The following RMDN2 variants were observed in gnomAD, a reference collection of about 807,000 sequenced individuals.
RMDN2 encodes regulator of microtubule dynamics protein 2.
A neutral mutation model predicts 52.8 loss-of-function variants in RMDN2; 61 were observed. The ratio of observed to expected loss-of-function variants is 1.16; its 90% CI spans 0.94 to 1.43. The LOEUF is 1.43. RMDN2 is among the 40% of genes most tolerant of loss of function. RMDN2 has a pLI of 0.00. For missense variants in RMDN2, 592 were observed against 475.3 expected, an observed-to-expected ratio of 1.25 and a Z score of -2.28; for synonymous variants, 180 against 153.1, an observed-to-expected ratio of 1.18 and a Z score of -1.30.
At chr2:37,963,334 TTAA>T (rs70949789) in intron 2 of RMDN2, 19,459 of 147,696 alleles carry the variant, frequency 0.13, 1,567 homozygotes, top group African/African-American at 0.19. Flanking sequence ...TTTTTTTTTT[TTAA>T]TTGATCATTC....
At chr2:38,061,891 C>T (rs1470464039) in intron 10 of RMDN2, among the ~76,000 whole-genome samples, 4 of 152,160 alleles carry the variant, frequency 2.6e-5, no homozygotes, top group Admixed American at 6.5e-5. Context: ...TGGTATTCTG[C>T]CTCCTGTTCT....
At chr2:38,061,631 C>G (rs1249595081) in intron 10 of RMDN2, among the ~76,000 whole-genome samples, 3 of 73,310 alleles carry the variant, frequency 4.1e-5, no homozygotes, top group African/African-American at 1.6e-4. Flanking sequence ...CCCTCACACA[C>G]AGTACACACA....
chr2:38,031,587 A>G (rs532286657), intron 10 of RMDN2, among the ~76,000 whole-genome samples: 3 of 152,290 alleles, frequency 2.0e-5, no homozygotes, highest in Middle Eastern at 3.4e-3. Context: ...GAACTCTTCC[A>G]TTTGTCTCCC....
intron 2 of RMDN2, among the ~76,000 whole-genome samples, chr2:37,942,961 C>T (rs1667923411): frequency 6.6e-6 from 1 of 152,146 alleles, no homozygotes; most frequent in Non-Finnish European, 1.5e-5. Context: ...GCAATAAGTG[C>T]CAAGCACCTT....
intron 2 of RMDN2, among the ~76,000 whole-genome samples, chr2:37,967,452 C>T (rs1038905473): frequency 2.6e-5 from 4 of 152,152 alleles, no homozygotes; most frequent in South Asian, 2.1e-4. Context: ...AAAGCAATGG[C>T]GCCCAAGAGG....
chr2:38,005,782 C>T (rs1676992334), intron 10 of RMDN2, among the ~76,000 whole-genome samples: 1 of 152,184 alleles, frequency 6.6e-6, no homozygotes, highest in African/African-American at 2.4e-5. Flanking sequence ...TTGCCCATGC[C>T]TATGTCCTGA....
chr2:38,053,449 A>G (rs1445030772), intron 10 of RMDN2, among the ~76,000 whole-genome samples: 1 of 152,196 alleles, frequency 6.6e-6, no homozygotes, highest in African/African-American at 2.4e-5. Context: ...GCTGCTGAAG[A>G]AAGTGTATAA....
intron 8 of RMDN2, chr2:37,997,864 C>T (rs368020645): frequency 4.9e-6 from 1 of 205,034 alleles, no homozygotes; most frequent in East Asian, 1.5e-4. Context: ...GATGGTTAAA[C>T]TTAGTCCCAG....
chr2:37,961,339 T>C (rs1402551460), intron 2 of RMDN2, among the ~76,000 whole-genome samples: 2 of 152,098 alleles, frequency 1.3e-5, no homozygotes, highest in African/African-American at 2.4e-5. Flanking sequence ...CAAACGTAGG[T>C]TTGGTCTTTT....
intron 2 of RMDN2, among the ~76,000 whole-genome samples, chr2:37,940,805 G>C (rs185649237): frequency 3.3e-5 from 5 of 152,056 alleles, no homozygotes; most frequent in African/African-American, 7.2e-5. Flanking sequence ...CTTTTATCAA[G>C]GTTCTTAGTT....
At chr2:38,025,456 T>G (rs1679709397) in intron 10 of RMDN2, among the ~76,000 whole-genome samples, 1 of 152,112 alleles carries the variant, frequency 6.6e-6, no homozygotes, top group Non-Finnish European at 1.5e-5. Context: ...CTTTCTAATC[T>G]GAAGGTTTTG....
intron 10 of RMDN2, among the ~76,000 whole-genome samples, chr2:38,010,703 A>G (rs978925973): frequency 2.6e-5 from 4 of 152,084 alleles, no homozygotes; most frequent in Non-Finnish European, 5.9e-5. Flanking sequence ...TGCTCGGTGC[A>G]CTGCAGCCAC....
At chr2:38,046,807 A>G (rs1681299541) in intron 10 of RMDN2, among the ~76,000 whole-genome samples, 1 of 152,110 alleles carries the variant, frequency 6.6e-6, no homozygotes, top group Non-Finnish European at 1.5e-5. Context: ...ATATGGTGAA[A>G]CCCCGTCTCT....
chr2:38,054,760 G>C (rs1211101444), intron 10 of RMDN2, among the ~76,000 whole-genome samples: 2 of 151,898 alleles, frequency 1.3e-5, no homozygotes, highest in Non-Finnish European at 2.9e-5. Context: ...GCCATGATTT[G>C]CCAGCCAGCT....
chr2:38,044,891 T>C (rs1681177719), intron 10 of RMDN2, among the ~76,000 whole-genome samples: 1 of 152,160 alleles, frequency 6.6e-6, no homozygotes, highest in South Asian at 2.1e-4. Context: ...AGTAAAACCC[T>C]AATCCTAGTA....
chr2:37,952,298 C>T (rs1265682866), intron 2 of RMDN2: 9 of 1,137,978 alleles, frequency 7.9e-6, no homozygotes, highest in Admixed American at 2.1e-5. Flanking sequence ...CATAACTCCC[C>T]TTTCCTCACA....
At chr2:37,952,111 A>G in intron 2 of RMDN2, 1 of 1,613,256 alleles carries the variant, frequency 6.2e-7, no homozygotes, top group South Asian at 1.1e-5. Flanking sequence ...CCTCAAAGCG[A>G]ATTAACTTCA....
At chr2:37,932,172 C>T (rs1666811795) in intron 2 of RMDN2, among the ~76,000 whole-genome samples, 1 of 150,740 alleles carries the variant, frequency 6.6e-6, no homozygotes, top group Non-Finnish European at 1.5e-5. Context: ...AACAAGTGAA[C>T]AAAGGTCTCT....
chr2:37,933,336 C>T (rs1667002396), intron 2 of RMDN2, among the ~76,000 whole-genome samples: 1 of 152,018 alleles, frequency 6.6e-6, no homozygotes, highest in African/African-American at 2.4e-5. Context: ...GATGGGCGGC[C>T]AGGCGGAGAC....
Sources: gnomAD v4.1 joint callset for allele counts (sites outside exome capture counted in the v4.1 genomes callset) on GRCh38, gnomAD v4.1.1 for gene constraint, MANE v1.5 for transcripts, NCBI Gene and HGNC (gene_info 2026-07-23, HGNC 2026-07-21) for gene names.